Variants in HAUS6 observed in about 807,000 individuals in gnomAD.
HAUS6 encodes the protein HAUS augmin-like complex subunit 6.
Under a neutral mutation model 106.8 loss-of-function variants are expected in HAUS6, and 80 were observed. The ratio of observed to expected loss-of-function variants is 0.75; its 90% confidence interval spans 0.63 to 0.90. The LOEUF (loss-of-function observed/expected upper bound fraction) is 0.90, where lower values mean the gene tolerates loss of function less well. Among genes scored for constraint, HAUS6 ranks in the 40% least tolerant of loss-of-function variants. HAUS6 has a pLI of 0.00. For synonymous variants in HAUS6, 356 were observed against 379.1 expected (o/e 0.94, Z 0.71); for missense variants, 1,155 against 1,118.1 (o/e 1.03, Z -0.47).
chr9:19,078,721 G>A (rs1837067008), intron 9 of HAUS6, among the ~76,000 whole-genome samples: 1 of 151,884 alleles, frequency 6.6e-6, no homozygotes, highest in East Asian at 1.9e-4. Context: ...CCAGGAGGCA[G>A]AGGTTGCAGT....
rs764215815 is a variant in HAUS6, at chr9:19,058,223, C to G, written c.2544G>C (p.Arg848Ser). The change falls in exon 16 of 17, where the codon AGG becomes AGC. Residue 848 changes from arginine (R) to serine (S), a missense_variant. Around this residue, in one of 3 missense-constraint regions of HAUS6, gnomAD observed 380 missense variants for 394.8 expected, o/e 0.96. Transcript: ENST00000380502. ...EALKKSLSKK[R>S]EESYLSNSQT... ...GGGAATTCGAGAGGTAAGATTCTTCCCTTTTCTTGGAAAGAGATTTCTTCA... is the reference window on the plus strand; with the variant it reads ...GGGAATTCGAGAGGTAAGATTCTTCGCTTTTCTTGGAAAGAGATTTCTTCA... The G allele has an allele frequency of 1.2e-6, 2 of 1,613,744 alleles. No homozygotes were observed. The highest frequency in any genetic ancestry group is 2.2e-5 in the South Asian group (2 of 91,070).
At chr9:19,059,048 A>G (rs1294599583) in intron 15 of HAUS6, 47 bp from the exon 16 acceptor site, 7 of 999,134 alleles carry the variant, frequency 7.0e-6, no homozygotes, top group Admixed American at 2.2e-5. Flanking sequence ...TCCCAAACAT[A>G]GAGCATGCAA....
At chr9:19,068,922 T>G (rs1836825698) in intron 12 of HAUS6, among the ~76,000 whole-genome samples, 1 of 152,136 alleles carries the variant, frequency 6.6e-6, no homozygotes, top group African/African-American at 2.4e-5. Flanking sequence ...CTGGAGGAAG[T>G]TAGAACAAAA....
chr9:19,088,897 G>T (rs1354927863), intron 5 of HAUS6, among the ~76,000 whole-genome samples: 2 of 151,078 alleles, frequency 1.3e-5, no homozygotes, highest in Non-Finnish European at 2.9e-5. Context: ...AAATAAATAA[G>T]TAAAGTGATC....
rs544302176 is a variant in HAUS6 at position 19,082,784 on chromosome 9, A to G, written c.870+89T>C. ...AAACAAAAAACAAAAAACAAAAAAC[A>G]AATTCTGAAAGCAGAAGAACATTGC... On this transcript the variant is annotated intron_variant, in intron 8 of 16. Coordinates refer to ENST00000380502, the MANE Select transcript of HAUS6 (RefSeq NM_017645.5). 8 of 726,120 alleles carry G rather than the reference A, an allele frequency of 1.1e-5. No homozygotes were observed. In the Admixed American group the frequency reaches 3.1e-4, roughly 28 times the overall value. The allele number at this position is 726,120 out of a possible 1,614,324, so 45.0% of individuals were successfully genotyped here.
intron 12 of HAUS6, among the ~76,000 whole-genome samples, chr9:19,065,755 C>T (rs1043574003): frequency 2.0e-5 from 3 of 151,870 alleles, no homozygotes; most frequent in African/African-American, 7.2e-5. Context: ...GCAAGAGAAT[C>T]GCTTGAACCC....
chr9:19,074,873 G>C (rs565810202), intron 11 of HAUS6, among the ~76,000 whole-genome samples: 1 of 152,132 alleles, frequency 6.6e-6, no homozygotes, highest in East Asian at 1.9e-4. Flanking sequence ...ATTAACACAG[G>C]TTAATTATTG....
At chr9:19,063,779 G>A (rs777847991) in intron 12 of HAUS6, 199 bp from the exon 13 acceptor site, 5 of 736,216 alleles carry the variant, frequency 6.8e-6, no homozygotes, top group Non-Finnish European at 1.0e-5. Flanking sequence ...TTGTGTATCA[G>A]CCTCCCAATT....
chr9:19,065,829 G>A (rs994457033), intron 12 of HAUS6, among the ~76,000 whole-genome samples: 9 of 151,912 alleles, frequency 5.9e-5, no homozygotes, highest in Admixed American at 1.3e-4. Flanking sequence ...CAACAGGAAC[G>A]AAACTCCGCC....
Position 19,058,838 on chromosome 9 carries a change from G to A in HAUS6, c.1929C>T (p.Thr643=). 1 of 1,614,164 alleles carries A rather than the reference G, an allele frequency of 6.2e-7. No individual in the cohort carries two copies. Among genetic ancestry groups the A allele is most frequent in the African/African-American group, 1.3e-5 (1 of 75,052 alleles). ...EFSMADFLLE[T]TVSDFGQSHL... ...GAGACTGGCCAAAATCTGATACAGTGGTTTCTAAGAGAAAATCAGCCATGC... is the reference window on the plus strand; with the variant it reads ...GAGACTGGCCAAAATCTGATACAGTAGTTTCTAAGAGAAAATCAGCCATGC... Residue 643 remains threonine, a synonymous_variant, in exon 16 of 17, where the codon ACC becomes ACT. Coordinates refer to ENST00000380502, the MANE Select transcript of HAUS6 (RefSeq NM_017645.5).
At chr9:19,076,740 T>C (rs1446959167) in intron 10 of HAUS6, 36 bp from the exon 11 acceptor site, 1 of 918,670 alleles carries the variant, frequency 1.1e-6, no homozygotes, top group Non-Finnish European at 1.8e-6. Context: ...GAAGTAAACA[T>C]ATTTGCTAAC....
intron 5 of HAUS6, 149 bp downstream of exon 5, chr9:19,089,263 A>T: frequency 3.3e-6 from 2 of 609,396 alleles, no homozygotes; most frequent in South Asian, 4.2e-5. Flanking sequence ...ATAGGGAAAA[A>T]AAAAAAGAAG....
At chr9:19,056,727 T>C (rs775267189) in intron 16 of HAUS6, 17 of 211,934 alleles carry the variant, frequency 8.0e-5, no homozygotes, top group Non-Finnish European at 1.1e-4. Context: ...CAGCCTCCTG[T>C]GTACCTGGGA....
In HAUS6 at chr9:19,054,281, T is replaced by C. The variant is rs1836423679; in HGVS notation, c.*2062A>G. On this transcript the variant is annotated 3_prime_UTR_variant, in exon 17 of 17. Transcript: ENST00000380502. ...CAGGGGAACTTACATGCCTTTAAAT[T>C]TGAACTCTATTTTAGAATTAACAAT... The C allele has an allele frequency of 6.6e-6, 1 of 152,190 alleles. No individual in the cohort carries two copies. The highest frequency in any genetic ancestry group is 1.5e-5 in the Non-Finnish European group (1 of 68,040). The allele number at this position is 152,190 out of a possible 1,614,324, so 9.4% of individuals were successfully genotyped here. A position where few individuals can be genotyped will look rare whatever the true frequency, so the allele number is the denominator to read the frequency against.
Position 19,058,196 on chromosome 9 carries a change from T to C in HAUS6, c.2571A>G (p.Gln857=). The change falls in exon 16 of 17, where the codon CAA becomes CAG. Residue 857 remains glutamine, a synonymous_variant. Coordinates refer to ENST00000380502, the MANE Select transcript of HAUS6 (RefSeq NM_017645.5). ...KREESYLSNS[Q]TPERHKPELS... ...ATTCTGGTTTGTGTCTTTCGGGTGTTTGGGAATTCGAGAGGTAAGATTCTT... is the reference window on the plus strand; with the variant it reads ...ATTCTGGTTTGTGTCTTTCGGGTGTCTGGGAATTCGAGAGGTAAGATTCTT... 4.3e-6 allele frequency: 7 copies of C among 1,613,938 alleles called. No homozygotes were observed. The highest frequency in any genetic ancestry group is 5.9e-6 in the Non-Finnish European group (7 of 1,179,844).
In HAUS6 at chr9:19,082,992, C is replaced by T; in HGVS notation, c.751G>A (p.Glu251Lys). 6.3e-7 allele frequency: 1 copy of T among 1,591,040 alleles called. No homozygotes were observed. Among genetic ancestry groups the T allele is most frequent in the Non-Finnish European group, 8.6e-7 (1 of 1,169,326 alleles). The change falls in exon 8 of 17, where the codon GAG becomes AAG. Residue 251 changes from glutamate to lysine, a missense_variant. Physicochemically the swap from Glu to Lys is moderately conservative, Grantham distance 56. Transcript: ENST00000380502. ...AGGACCGAACTAACAACTTCTCTCT[C>T]TTTTTCCAAAAACATGAGCGTTTCA... ...VNETLMFLEK[E>K]REVVSSVLSL...
chr9:19,071,316 T>C (rs1285539513), intron 11 of HAUS6, among the ~76,000 whole-genome samples: 1 of 151,792 alleles, frequency 6.6e-6, no homozygotes. Context: ...TACAAAAAAG[T>C]TGTAAATATG....
intron 11 of HAUS6, among the ~76,000 whole-genome samples, chr9:19,072,586 C>A (rs72696462): frequency 4.0e-5 from 6 of 150,848 alleles, no homozygotes; most frequent in African/African-American, 1.5e-4. Context: ...CAGAAAACAA[C>A]GAGATTATAT....
chr9:19,100,212 A>G (rs1427599564), intron 1 of HAUS6, among the ~76,000 whole-genome samples: 1 of 152,074 alleles, frequency 6.6e-6, no homozygotes, highest in Non-Finnish European at 1.5e-5. Flanking sequence ...AAGAATTAAA[A>G]CTAGCCAGGC....
Sources: gnomAD v4.1 joint callset for allele counts (sites outside exome capture counted in the v4.1 genomes callset) on GRCh38, gnomAD v4.1.1 for gene constraint, gnomAD v4.1.1 regional missense constraint, MANE v1.5 for transcripts, NCBI Gene and HGNC (gene_info 2026-07-23, HGNC 2026-07-21) for gene names.